DLC1: variants seen among roughly 807,000 people sequenced by gnomAD.
DLC1 encodes rho GTPase-activating protein 7.
DLC1 carries 54 observed loss-of-function variants against 140.3 expected under a neutral mutation model. The observed-to-expected ratio is 0.38, with a 90% CI of 0.31 to 0.48. The LOEUF is 0.48. DLC1 is among the 20% of genes least tolerant of loss of function. The probability of loss-of-function intolerance (pLI) is 0.96; values close to 1 mark genes in which losing one functional copy is unlikely to be tolerated. For synonymous variants in DLC1, 986 were observed against 728.1 expected (o/e 1.35, Z -5.70); for missense variants, 2,536 against 1,907.0 (o/e 1.33, Z -6.14).
At chr8:13,519,520 C>T (rs148967481), upstream of DLC1, among the ~76,000 whole-genome samples, 52 of 152,254 alleles carry the variant, frequency 3.4e-4, no homozygotes, top group African/African-American at 5.5e-4. Flanking sequence ...AAGCATCATG[C>T]GCATGATTAG....
chr8:13,363,001 T>C (rs1179214036), intron 4 of DLC1, among the ~76,000 whole-genome samples: 1 of 152,200 alleles, frequency 6.6e-6, no homozygotes, highest in Non-Finnish European at 1.5e-5. Flanking sequence ...CGTGCATTCA[T>C]TTATTCAGTA....
intron 2 of DLC1, among the ~76,000 whole-genome samples, chr8:13,458,599 A>T (rs1799521357): frequency 6.6e-6 from 1 of 152,228 alleles, no homozygotes; most frequent in Non-Finnish European, 1.5e-5. Context: ...GTCTAAAAAC[A>T]GTCATCTGAT....
At position 13,496,886 on chromosome 8, in the gene DLC1, C is replaced by T. The variant is rs144021904; in HGVS notation, c.1023+2163G>A. On this transcript the variant is annotated intron_variant, in intron 2 of 17. Coordinates refer to ENST00000276297, the MANE Select transcript of DLC1 (RefSeq NM_182643.3). ...TGCAATCTCGGCTCACTGCAAGCTC[C>T]GCCTCCCGGGTTCATGCCATTCTCC... Among the ~76,000 whole-genome samples the T allele has an allele frequency of 6.7e-3, 960 of 143,890 alleles. 9 individuals carry two copies. Among genetic ancestry groups the T allele is most frequent in the Non-Finnish European group, 0.011 (760 of 66,532 alleles). The allele number at this position is 143,890 out of a possible 152,430, so 94.4% of individuals were successfully genotyped here.
At chr8:13,519,004 T>A (rs1585236623), upstream of DLC1, among the ~76,000 whole-genome samples, 1 of 152,196 alleles carries the variant, frequency 6.6e-6, no homozygotes, top group South Asian at 2.1e-4. Context: ...TTACTTTTTT[T>A]ATTATACTAT....
At chr8:13,471,807 C>T (rs1167509790) in intron 2 of DLC1, among the ~76,000 whole-genome samples, 2 of 152,128 alleles carry the variant, frequency 1.3e-5, no homozygotes, top group Non-Finnish European at 2.9e-5. Flanking sequence ...TGCTTCCTGG[C>T]AAATCCTATC....
intron 5 of DLC1, among the ~76,000 whole-genome samples, chr8:13,121,787 A>G (rs500331): frequency 0.7 from 106,962 of 151,864 alleles, 40,395 homozygotes; most frequent in Non-Finnish European, 0.83. Flanking sequence ...TCCTGGGCTC[A>G]GGCAATCCTC....
intron 4 of DLC1, chr8:13,339,623 A>T (rs1388463606): frequency 1.3e-5 from 2 of 152,166 alleles, no homozygotes; most frequent in Non-Finnish European, 2.9e-5. Flanking sequence ...GGTGGCTTTC[A>T]TCTTCAGAAA....
chr8:13,359,017 C>T (rs1267864329), intron 4 of DLC1, among the ~76,000 whole-genome samples: 1 of 152,142 alleles, frequency 6.6e-6, no homozygotes, highest in Non-Finnish European at 1.5e-5. Flanking sequence ...AGGCTCACTG[C>T]AAGCTCCGCG....
At chr8:13,454,669 C>A (rs1799307957) in intron 2 of DLC1, among the ~76,000 whole-genome samples, 1 of 152,118 alleles carries the variant, frequency 6.6e-6, no homozygotes. Context: ...ATCATCCTGC[C>A]TCAGCTGGCC....
Position 13,600,578 on chromosome 8 carries a change from T to C in DLC1, c.-126+3959A>G, listed in dbSNP as rs540065834. 6.6e-5 allele frequency among the ~76,000 whole-genome samples: 10 copies of C among 151,994 alleles called. No individual in the cohort carries two copies. In the East Asian group the frequency reaches 1.2e-3, roughly 18 times the overall value. On this transcript the variant is annotated intron_variant, in intron 1 of 1. Transcript: ENST00000631382. ...AATCACAATGTGGTACAGATGCAGT[T>C]GAAAAAAGAAAAAGTGGCAATGTAA...
At chr8:13,490,789 A>G (rs1186025693) in intron 2 of DLC1, among the ~76,000 whole-genome samples, 1 of 152,050 alleles carries the variant, frequency 6.6e-6, no homozygotes, top group Non-Finnish European at 1.5e-5. Flanking sequence ...TCTTGCTCCA[A>G]TAAAAGCTGA....
intron 3 of DLC1, among the ~76,000 whole-genome samples, chr8:13,396,133 C>T (rs1413394915): frequency 2.1e-5 from 3 of 145,174 alleles, no homozygotes; most frequent in Non-Finnish European, 4.5e-5. Flanking sequence ...GATCTCTGCT[C>T]ACTGCAAGCT....
chr8:13,131,451 T>C (rs1383903112), intron 5 of DLC1, among the ~76,000 whole-genome samples: 1 of 152,226 alleles, frequency 6.6e-6, no homozygotes, highest in Non-Finnish European at 1.5e-5. Context: ...CATTCCTCTA[T>C]GTCACCAGTA....
At chr8:13,520,150 T>C (rs2117282044) in intron 1 of DLC1, among the ~76,000 whole-genome samples, 1 of 152,300 alleles carries the variant, frequency 6.6e-6, no homozygotes, top group East Asian at 1.9e-4. Context: ...TATAAATCAT[T>C]CTACGATAAA....
At chr8:13,332,238 G>C (rs183106628) in intron 4 of DLC1, among the ~76,000 whole-genome samples, 1 of 152,066 alleles carries the variant, frequency 6.6e-6, no homozygotes, top group African/African-American at 2.4e-5. Context: ...CGAATAAAGC[G>C]TAATGAACAC....
At chr8:13,336,378 T>C (rs974389567) in intron 4 of DLC1, among the ~76,000 whole-genome samples, 19 of 152,206 alleles carry the variant, frequency 1.2e-4, no homozygotes, top group Non-Finnish European at 2.9e-5. Context: ...TGTTACACTA[T>C]ATTAATTTTT....
chr8:13,357,590 C>A (rs1360879409), intron 4 of DLC1, among the ~76,000 whole-genome samples: 1 of 152,198 alleles, frequency 6.6e-6, no homozygotes, highest in African/African-American at 2.4e-5. Flanking sequence ...CTGCATGTGA[C>A]CCTTTGTTTA....
chr8:13,280,840 G>A (rs558930242), intron 5 of DLC1, among the ~76,000 whole-genome samples: 23 of 152,298 alleles, frequency 1.5e-4, no homozygotes, highest in Middle Eastern at 3.4e-3. Context: ...AGTTAATACC[G>A]TGTTTGGATC....
intron 1 of DLC1, among the ~76,000 whole-genome samples, chr8:13,521,002 C>T (rs1308611098): frequency 6.6e-6 from 1 of 152,082 alleles, no homozygotes; most frequent in Non-Finnish European, 1.5e-5. Flanking sequence ...TGCCTGATTG[C>T]CCAGCCCATG....
Sources: gnomAD v4.1 joint callset for allele counts (sites outside exome capture counted in the v4.1 genomes callset) on GRCh38, gnomAD v4.1.1 for gene constraint, MANE v1.5 for transcripts, NCBI Gene and HGNC (gene_info 2026-07-23, HGNC 2026-07-21) for gene names.